RET: variants seen among roughly 807,000 people sequenced by gnomAD.
RET encodes the protein proto-oncogene tyrosine-protein kinase receptor Ret.
A neutral mutation model predicts 118.3 loss-of-function variants in RET; 19 were observed. That is an observed-to-expected ratio of 0.16 (90% confidence interval 0.11 to 0.24). The LOEUF (loss-of-function observed/expected upper bound fraction) is 0.24. Ranked by LOEUF, RET falls within the 10% of genes least tolerant of loss-of-function variation. The probability of loss-of-function intolerance (pLI) is 1.00; values close to 1 mark genes in which losing one functional copy is unlikely to be tolerated. For synonymous variants in RET, 597 were observed against 644.1 expected (o/e 0.93, Z 1.11); for missense variants, 1,219 against 1,502.1 (o/e 0.81, Z 3.12).
chr10:43,108,297 T>A (rs1215488708), intron 5 of RET, among the ~76,000 whole-genome samples: 1 of 152,078 alleles, frequency 6.6e-6, no homozygotes, highest in Non-Finnish European at 1.5e-5. Flanking sequence ...AAGGCTGCAA[T>A]GAGATGCAAC....
At chr10:43,111,068 CAG>C in intron 6 of RET, 137 bp from the exon 7 acceptor site, 1 of 1,194,542 alleles carries the variant, frequency 8.4e-7, no homozygotes, top group Non-Finnish European at 1.2e-6. Flanking sequence ...GGGTGGAGGA[CAG>C]GGTGCTCGGG....
Position 43,106,447 on chromosome 10 carries a change from G to C in RET, c.939G>C (p.Arg313=). The C allele has an allele frequency of 6.2e-7, 1 of 1,613,432 alleles. No homozygotes were observed. Among genetic ancestry groups the C allele is most frequent in the South Asian group, 1.1e-5 (1 of 90,962 alleles). The change falls in exon 5 of 20, where the codon CGG becomes CGC. Residue 313 remains arginine (R), a synonymous_variant. Transcript: ENST00000355710. This position sits in a 1 kb window ranked among gnomAD's most constrained non-coding sequence, Gnocchi z 5.1. ...CTGCATCAGGGGAGCTGGTGAGGCG[G>C]TACACAAGCACGCTGCTCCCCGGGG... ...VVPASGELVR[R]YTSTLLPGDT...
rs12241130 is a variant in RET, at chr10:43,081,361, C to G, written c.73+4030C>G. 2.9e-3 allele frequency among the ~76,000 whole-genome samples: 435 copies of G among 152,338 alleles called. 1 individual carries two copies. Among genetic ancestry groups the G allele is most frequent in the African/African-American group, 9.9e-3 (410 of 41,578 alleles). On this transcript the variant is annotated intron_variant, in intron 1 of 19. Transcript: ENST00000355710. ...GTAACAACAGCAGGCTGGGAGCACT[C>G]CTGAGGGAGCCTCGGCTCCTGCCCT...
At chr10:43,107,589 ACACACACACACACC>A (rs1837812532) in intron 5 of RET, among the ~76,000 whole-genome samples, 1 of 150,982 alleles carries the variant, frequency 6.6e-6, no homozygotes, top group Admixed American at 6.6e-5. Context: ...ACACACACAC[ACACACACACACACC>A]CTGTTACCCA....
rs368088467 is a variant in RET at position 43,100,756 on chromosome 10, C to T, written c.337+34C>T. On this transcript the variant is annotated intron_variant, in intron 2 of 19. Coordinates refer to ENST00000355710, the MANE Select transcript of RET (RefSeq NM_020975.6). ...GCCGCCCCAACACCCACCCCGTGCC[C>T]CACCCCACCCCTTCCTCAAGCCGCC... 307 of 1,548,504 alleles carry T rather than the reference C, an allele frequency of 2.0e-4. 1 individual carries two copies. The Middle Eastern group carries it at 6.3e-3, about 32-fold the overall frequency.
At chr10:43,108,467 T>C (rs1239810596) in intron 5 of RET, among the ~76,000 whole-genome samples, 3 of 152,232 alleles carry the variant, frequency 2.0e-5, no homozygotes, top group South Asian at 2.1e-4. Flanking sequence ...TTAATGTTAA[T>C]GCCGGTCAGT....
At chr10:43,089,864 A>G (rs1837375556) in intron 1 of RET, among the ~76,000 whole-genome samples, 1 of 152,244 alleles carries the variant, frequency 6.6e-6, no homozygotes, top group Non-Finnish European at 1.5e-5. Flanking sequence ...TCAGACAAGA[A>G]CCCTGAGAGT....
chr10:43,126,794 G>A (rs539579959), intron 19 of RET, 72 bp downstream of exon 19: 3 of 1,574,258 alleles, frequency 1.9e-6, no homozygotes, highest in South Asian at 1.1e-5. Context: ...TCTCTGTGAT[G>A]CTTTTTAAAA....
intron 1 of RET, among the ~76,000 whole-genome samples, chr10:43,096,774 T>C (rs12266300): frequency 0.021 from 3,259 of 152,252 alleles, 126 homozygotes; most frequent in African/African-American, 0.073. Flanking sequence ...TTATGAAGAA[T>C]TTCAAGACTG....
chr10:43,087,983 G>A (rs557761320), intron 1 of RET, among the ~76,000 whole-genome samples: 7 of 152,192 alleles, frequency 4.6e-5, no homozygotes, highest in Non-Finnish European at 1.0e-4. Context: ...TCGTGATGAT[G>A]GTTGTGGTGG....
At chr10:43,085,963 C>T (rs560277159) in intron 1 of RET, among the ~76,000 whole-genome samples, 3 of 152,302 alleles carry the variant, frequency 2.0e-5, no homozygotes, top group East Asian at 3.9e-4. Flanking sequence ...TGGCTCTCTC[C>T]CTCTGCTCTC....
intron 1 of RET, among the ~76,000 whole-genome samples, chr10:43,098,401 C>G (rs892377398): frequency 5.3e-5 from 8 of 150,508 alleles, no homozygotes; most frequent in African/African-American, 2.0e-4. Context: ...AGTGTTATAG[C>G]CTGTGTCAGG....
chr10:43,109,827 G>T (rs181488515), intron 6 of RET, among the ~76,000 whole-genome samples: 2 of 152,326 alleles, frequency 1.3e-5, no homozygotes, highest in South Asian at 4.1e-4. Flanking sequence ...GGCATGAGGC[G>T]TGATCCCTTC....
chr10:43,078,497 C>T (rs1310576692), intron 1 of RET, among the ~76,000 whole-genome samples: 1 of 152,248 alleles, frequency 6.6e-6, no homozygotes, highest in Non-Finnish European at 1.5e-5. Flanking sequence ...GTCCACCTAG[C>T]GAGGGACAGG....
chr10:43,086,737 T>C (rs1370222302), intron 1 of RET, among the ~76,000 whole-genome samples: 3 of 152,228 alleles, frequency 2.0e-5, no homozygotes, highest in Non-Finnish European at 4.4e-5. Context: ...GTGAGGCTGG[T>C]GATTAACTCT....
Position 43,120,126 on chromosome 10 carries a change from G to A in RET, c.2653G>A (p.Gly885Arg), listed in dbSNP as rs201487882. The change falls in exon 15 of 20, where the codon GGG (glycine) becomes AGG (arginine). Residue 885 changes from glycine to arginine, a missense_variant. By Grantham distance (125) the Gly-to-Arg change is moderately radical (BLOSUM62 -2). This residue lies in a region of RET where 73 missense variants were observed against 156.5 expected (regional missense o/e 0.47). Transcript: ENST00000355710. ...LAARNILVAE[G>R]RKMKISDFGL... is the part of the protein sequence containing the mutation. ...AGCCAGAAACATCCTGGTAGCTGAG[G>A]GGCGGAAGATGAAGATTTCGGATTT... is the stretch of plus-strand genomic sequence containing the variant. 1 of 1,614,040 alleles carries A rather than the reference G, an allele frequency of 6.2e-7. No homozygotes were observed. The highest frequency in any genetic ancestry group is 2.2e-5 in the East Asian group (1 of 44,878).
At chr10:43,079,082 G>A (rs1356958014) in intron 1 of RET, among the ~76,000 whole-genome samples, 1 of 152,202 alleles carries the variant, frequency 6.6e-6, no homozygotes. Flanking sequence ...GGACAGCTCG[G>A]CCTCAAGCGC....
Position 43,109,245 on chromosome 10 carries a change from A to C in RET, c.1263+15A>C. 6.2e-7 allele frequency: 1 copy of C among 1,610,782 alleles called. No individual in the cohort carries two copies. The highest frequency in any genetic ancestry group is 1.1e-5 in the South Asian group (1 of 90,914). ...GATTTGCCCAGGTGAGCCCATACCT[A>C]TTGCCTGTCTGGGGAAGATTGAAAG... On this transcript the variant is annotated intron_variant, in intron 6 of 19. Coordinates refer to ENST00000355710, the MANE Select transcript of RET (RefSeq NM_020975.6).
chr10:43,113,415 G>A, intron 9 of RET, 141 bp from the exon 10 acceptor site: 2 of 1,014,858 alleles, frequency 2.0e-6, no homozygotes, highest in Non-Finnish European at 2.8e-6. Context: ...GCTAAGCCAA[G>A]CTGCTGGGCC....
Sources: gnomAD v4.1 joint callset for allele counts (sites outside exome capture counted in the v4.1 genomes callset) on GRCh38, gnomAD v4.1.1 for gene constraint, gnomAD v4.1.1 regional missense constraint, Gnocchi (gnomAD v3.1) non-coding constraint, MANE v1.5 for transcripts, NCBI Gene and HGNC (gene_info 2026-07-23, HGNC 2026-07-21) for gene names.